The following GNB4 variants were observed in gnomAD, a reference collection of about 807,000 sequenced individuals.
The protein encoded by GNB4 is guanine nucleotide-binding protein subunit beta-4.
In GNB4, 28 loss-of-function variants were observed where a neutral mutation model predicts 45.2. That is an observed-to-expected ratio of 0.62 (90% CI 0.46 to 0.85). The LOEUF (loss-of-function observed/expected upper bound fraction) is 0.85, where lower values mean the gene tolerates loss of function less well. Among genes scored for constraint, GNB4 ranks in the 40% least tolerant of loss-of-function variants. GNB4 has a pLI of 0.00. For missense variants in GNB4, 321 were observed against 425.4 expected (o/e 0.75, Z 2.16); for synonymous variants, 132 against 143.7 (o/e 0.92, Z 0.58).
chr3:179,496,151 G>A, the GNB4 span, among the ~76,000 whole-genome samples: 12 of 151,912 alleles, frequency 7.9e-5, no homozygotes, highest in African/African-American at 2.7e-4. Flanking sequence ...TAACAGATTC[G>A]CAATATGAAA....
chr3:179,478,904 C>T, the GNB4 span, among the ~76,000 whole-genome samples: 1 of 152,110 alleles, frequency 6.6e-6, no homozygotes, highest in Non-Finnish European at 1.5e-5. Flanking sequence ...TAGCACCTCC[C>T]ACCTCTCTCT....
the GNB4 span, among the ~76,000 whole-genome samples, chr3:179,469,010 G>T: frequency 2.0e-5 from 3 of 152,116 alleles, no homozygotes; most frequent in Non-Finnish European, 4.4e-5. Context: ...TTCTTCTATG[G>T]ATTCTAGGTC....
chr3:179,524,109 C>T, the GNB4 span, among the ~76,000 whole-genome samples: 32,877 of 152,116 alleles, frequency 0.22, 3,818 homozygotes, highest in Admixed American at 0.31. Flanking sequence ...AAGAAGGGGA[C>T]GGACTTACCC....
intron 1 of GNB4, among the ~76,000 whole-genome samples, chr3:179,431,577 TAA>T (rs1715311712): frequency 7.0e-6 from 1 of 143,174 alleles, no homozygotes; most frequent in African/African-American, 2.5e-5. Flanking sequence ...AAAAAAAGAC[TAA>T]ATCACTTGTC....
At chr3:179,414,766 A>G (rs2108590799) in intron 6 of GNB4, 119 bp downstream of exon 6, 1 of 658,212 alleles carries the variant, frequency 1.5e-6, no homozygotes, top group South Asian at 4.9e-5. Flanking sequence ...TAATAATTTC[A>G]TTCCCACCCG....
At chr3:179,512,648 C>T in the GNB4 span, among the ~76,000 whole-genome samples, 1 of 152,208 alleles carries the variant, frequency 6.6e-6, no homozygotes, top group Non-Finnish European at 1.5e-5. Context: ...GGAAAGCACA[C>T]TTCATTTTTT....
rs536514699 is a variant in GNB4 at position 179,410,702 on chromosome 3, G to A, written c.699+2710C>T. The A allele has an allele frequency of 5.9e-5, 9 of 152,140 alleles. No homozygotes were observed. The South Asian group carries it at 8.3e-4, about 14-fold the overall frequency. 9.4% of individuals were successfully genotyped at this position (152,140 alleles called of 1,614,324 possible). On this transcript the variant is annotated intron_variant, in intron 8 of 9. Coordinates refer to ENST00000232564, the MANE Select transcript of GNB4 (RefSeq NM_021629.4). Reference sequence around the variant, plus strand: ...CAACCTTATTTTCAAATAAGGTCACGGTCTGAGGTCCTGGGCTTTAAGACT... The same window carrying A: ...CAACCTTATTTTCAAATAAGGTCACAGTCTGAGGTCCTGGGCTTTAAGACT...
chr3:179,402,246 C>A (rs1174448924), intron 9 of GNB4, among the ~76,000 whole-genome samples: 1 of 152,146 alleles, frequency 6.6e-6, no homozygotes, highest in Non-Finnish European at 1.5e-5. Flanking sequence ...AAGTCAGGAT[C>A]CAATTTTAAG....
intron 1 of GNB4, among the ~76,000 whole-genome samples, chr3:179,439,163 C>T (rs1715534430): frequency 2.0e-5 from 3 of 152,152 alleles, no homozygotes; most frequent in Non-Finnish European, 4.4e-5. Context: ...GAGTCTGAAG[C>T]TCTCTAGAGT....
the GNB4 span, among the ~76,000 whole-genome samples, chr3:179,470,982 A>G: frequency 6.6e-6 from 1 of 152,094 alleles, no homozygotes; most frequent in Non-Finnish European, 1.5e-5. Flanking sequence ...GATTGAGACC[A>G]TCCTGGCTAA....
rs1410288271 is a variant in GNB4 at position 179,402,655 on chromosome 3, T to C, written c.917-1336A>G. ...CTTTCGTAAGCTGGATGGTGGCAACTGTGTTAATGAACCCCAAAATACTGA... is the reference window on the plus strand; with the variant it reads ...CTTTCGTAAGCTGGATGGTGGCAACCGTGTTAATGAACCCCAAAATACTGA... On this transcript the variant is annotated intron_variant, in intron 9 of 9. Transcript: ENST00000232564. Among the ~76,000 whole-genome samples, 5 of 152,198 alleles carry C rather than the reference T, an allele frequency of 3.3e-5. No homozygotes were observed. The East Asian group carries it at 9.6e-4, about 29-fold the overall frequency.
upstream of GNB4, among the ~76,000 whole-genome samples, chr3:179,453,881 C>A (rs201735500): frequency 6.6e-6 from 1 of 150,874 alleles, no homozygotes; most frequent in Non-Finnish European, 1.5e-5. Context: ...TGTTAAAGGA[C>A]AAGCCTATAC....
intron 9 of GNB4, among the ~76,000 whole-genome samples, chr3:179,404,138 T>C (rs1442585551): frequency 1.3e-5 from 2 of 151,848 alleles, no homozygotes; most frequent in Non-Finnish European, 2.9e-5. Context: ...AAAAATTAAC[T>C]CTAGAAAATA....
At chr3:179,440,258 T>C (rs1203045099) in intron 1 of GNB4, among the ~76,000 whole-genome samples, 5 of 152,184 alleles carry the variant, frequency 3.3e-5, no homozygotes, top group Non-Finnish European at 5.9e-5. Context: ...TGAAGAAATA[T>C]AAGAATGAAA....
At position 179,427,949 on chromosome 3, in the gene GNB4, A is replaced by G. The variant is rs1715193942; in HGVS notation, c.-42-1707T>C. Among the ~76,000 whole-genome samples the G allele has an allele frequency of 2.0e-5, 3 of 152,072 alleles. No homozygotes were observed. The South Asian group carries it at 6.2e-4, about 31-fold the overall frequency. On this transcript the variant is annotated intron_variant, in intron 1 of 9. Transcript: ENST00000232564. ...CCTAAGTACAAAACCCAAGCCTATA[A>G]CTTTTTAGGTCAAGATTGTAGCCCG...
intron 1 of GNB4, among the ~76,000 whole-genome samples, chr3:179,430,870 CAGAG>C (rs371907508): frequency 5.9e-5 from 9 of 152,252 alleles, no homozygotes; most frequent in African/African-American, 9.6e-5. Flanking sequence ...TGTTCTAACA[CAGAG>C]AAAGACTGAA....
At chr3:179,487,051 A>T in the GNB4 span, among the ~76,000 whole-genome samples, 1 of 152,234 alleles carries the variant, frequency 6.6e-6, no homozygotes, top group South Asian at 2.1e-4. Flanking sequence ...AGACAGAGAA[A>T]GCTTTCATCC....
intron 1 of GNB4, among the ~76,000 whole-genome samples, chr3:179,443,519 A>C (rs1399358844): frequency 6.6e-6 from 1 of 152,216 alleles, no homozygotes; most frequent in African/African-American, 2.4e-5. Flanking sequence ...AGCCTGGGTG[A>C]CTGAGTGAGA....
intron 2 of GNB4, among the ~76,000 whole-genome samples, chr3:179,424,367 A>T (rs1715084863): frequency 6.6e-6 from 1 of 152,214 alleles, no homozygotes; most frequent in African/African-American, 2.4e-5. Context: ...TGAGTCTGCG[A>T]AGCCTTCTGT....
Sources: allele counts gnomAD v4.1 joint callset (sites outside exome capture counted in the v4.1 genomes callset), GRCh38; gene constraint gnomAD v4.1.1; transcripts MANE v1.5; gene names NCBI Gene and HGNC (gene_info 2026-07-23, HGNC 2026-07-21).